The following PCAT7 variants were observed in gnomAD, a reference collection of about 807,000 sequenced individuals.
The protein encoded by PCAT7 is prostate cancer associated transcript 7 (non-protein coding).
intron 2 of PCAT7, among the ~76,000 whole-genome samples, chr9:94,562,300 A>G (rs1827120347): frequency 8.2e-6 from 1 of 121,286 alleles, no homozygotes; most frequent in South Asian, 2.8e-4. Context: ...ACAGAGCAAG[A>G]CTCCATCTCA....
chr9:94,571,394 G>T, intron 2 of PCAT7: 1 of 1,442,608 alleles, frequency 6.9e-7, no homozygotes, highest in South Asian at 1.5e-5. Context: ...TTATCGCAGA[G>T]AACTGGCATT....
At chr9:94,554,903 C>T (rs755832451), upstream of PCAT7, among the ~76,000 whole-genome samples, 26 of 152,176 alleles carry the variant, frequency 1.7e-4, no homozygotes, top group Admixed American at 1.5e-3. Flanking sequence ...GCGCCGCTGC[C>T]TCAGCATGCT....
intron 2 of PCAT7, among the ~76,000 whole-genome samples, chr9:94,565,750 AT>A (rs1240276025): frequency 4.6e-5 from 6 of 129,900 alleles, no homozygotes; most frequent in Admixed American, 8.4e-5. Context: ...AGATAGATAG[AT>A]AGAAAATAGA....
chr9:94,562,122 TA>T (rs935307000), intron 2 of PCAT7, among the ~76,000 whole-genome samples: 7 of 151,884 alleles, frequency 4.6e-5, no homozygotes, highest in Non-Finnish European at 2.9e-5. Flanking sequence ...CCATCCTGGC[TA>T]ACATGGTGAA....
At chr9:94,554,788 C>T (rs1000955623), upstream of PCAT7, among the ~76,000 whole-genome samples, 1 of 152,156 alleles carries the variant, frequency 6.6e-6, no homozygotes, top group Admixed American at 6.5e-5. Context: ...AGGCTCCAGG[C>T]TCCAAGCTCC....
At chr9:94,563,518 C>G in intron 2 of PCAT7, 1 of 1,580,956 alleles carries the variant, frequency 6.3e-7, no homozygotes, top group East Asian at 2.3e-5. Context: ...TAGCCAGCAC[C>G]TGCTCGTGGT....
intron 2 of PCAT7, among the ~76,000 whole-genome samples, chr9:94,565,727 GTAGA>G (rs1358553795): frequency 9.3e-6 from 1 of 107,376 alleles, no homozygotes; most frequent in African/African-American, 3.5e-5. Context: ...AAAGATATAG[GTAGA>G]TAGATGATAG....
At chr9:94,557,391 T>G (rs972372361) in intron 1 of PCAT7, among the ~76,000 whole-genome samples, 2 of 152,380 alleles carry the variant, frequency 1.3e-5, no homozygotes, top group African/African-American at 4.8e-5. Context: ...CTTTAATATC[T>G]TTCATCTATG....
At chr9:94,564,897 A>G (rs1054863299) in intron 2 of PCAT7, among the ~76,000 whole-genome samples, 1 of 152,214 alleles carries the variant, frequency 6.6e-6, no homozygotes, top group Non-Finnish European at 1.5e-5. Flanking sequence ...ATATTTAACA[A>G]TAATATATGA....
chr9:94,554,868 C>G (rs866277683), upstream of PCAT7, among the ~76,000 whole-genome samples: 5 of 152,198 alleles, frequency 3.3e-5, no homozygotes, highest in South Asian at 2.1e-4. Context: ...GCTCCCCACA[C>G]CCACACATAA....
chr9:94,567,293 C>T, intron 2 of PCAT7: 5 of 1,614,164 alleles, frequency 3.1e-6, no homozygotes, highest in Non-Finnish European at 4.2e-6. Flanking sequence ...TTTTTCTGCA[C>T]ATATTCAGTG....
chr9:94,565,790 GATA>G (rs1827180306), intron 2 of PCAT7, among the ~76,000 whole-genome samples: 3 of 125,834 alleles, frequency 2.4e-5, no homozygotes, highest in African/African-American at 1.2e-4. Flanking sequence ...ATAGATAGAT[GATA>G]GATAGGTGAG....
intron 2 of PCAT7, among the ~76,000 whole-genome samples, chr9:94,564,634 G>C (rs1254317188): frequency 6.6e-6 from 1 of 152,200 alleles, no homozygotes; most frequent in Middle Eastern, 3.4e-3. Flanking sequence ...CACAAAGAGG[G>C]AAACAACAGA....
intron 2 of PCAT7, chr9:94,571,357 A>T: frequency 8.1e-7 from 1 of 1,241,574 alleles, no homozygotes; most frequent in Non-Finnish European, 1.1e-6. Flanking sequence ...CTGGTCCCCA[A>T]AACAAGTATT....
intron 2 of PCAT7, chr9:94,568,379 C>T (rs1248729139): frequency 6.6e-6 from 1 of 152,326 alleles, no homozygotes; most frequent in East Asian, 1.9e-4. Flanking sequence ...CAGGGCATCT[C>T]TCAAATACCC....
intron 2 of PCAT7, chr9:94,567,646 A>G: frequency 2.1e-6 from 1 of 476,226 alleles, no homozygotes; most frequent in Admixed American, 3.3e-5. Context: ...AATTCTAAGG[A>G]AGCAGCCCAT....
chr9:94,563,201 A>G, intron 2 of PCAT7: 1 of 913,956 alleles, frequency 1.1e-6, no homozygotes. Flanking sequence ...CTCAAGGGAA[A>G]CAGAGTTCAT....
At chr9:94,561,304 AGG>A (rs1359095282) in intron 2 of PCAT7, among the ~76,000 whole-genome samples, 1 of 148,722 alleles carries the variant, frequency 6.7e-6, no homozygotes, top group African/African-American at 2.5e-5. Context: ...CAAAATGCCC[AGG>A]GCTTCATGGC....
intron 1 of PCAT7, among the ~76,000 whole-genome samples, chr9:94,558,174 TA>T (rs1253871598): frequency 2.0e-5 from 3 of 152,262 alleles, no homozygotes; most frequent in Non-Finnish European, 4.4e-5. Flanking sequence ...AACTCAAGTT[TA>T]TCCAAAATAA....
Sources: allele counts gnomAD v4.1 joint callset (sites outside exome capture counted in the v4.1 genomes callset), GRCh38; gene constraint gnomAD v4.1.1; transcripts MANE v1.5; gene names NCBI Gene and HGNC (gene_info 2026-07-23, HGNC 2026-07-21).